Variants in ATP8A2 observed in about 807,000 individuals in gnomAD.
The protein encoded by ATP8A2 is phospholipid-transporting ATPase IB.
A neutral mutation model predicts 165.6 loss-of-function variants in ATP8A2; 100 were observed. The observed-to-expected ratio is 0.60, with a 90% CI of 0.51 to 0.71. ATP8A2 has a LOEUF of 0.71. Among genes scored for constraint, ATP8A2 ranks in the 30% least tolerant of loss-of-function variants. The pLI is 0.00. For missense variants in ATP8A2, 1,227 were observed against 1,479.5 expected, an observed-to-expected ratio of 0.83 and a Z score of 2.80; for synonymous variants, 543 against 548.8, an observed-to-expected ratio of 0.99 and a Z score of 0.15.
intron 24 of ATP8A2, among the ~76,000 whole-genome samples, chr13:25,640,305 G>A (rs1566004042): frequency 1.3e-5 from 2 of 152,230 alleles, no homozygotes; most frequent in East Asian, 1.9e-4. Context: ...AAAAATCAAT[G>A]AATCCAGGAG....
At chr13:25,466,361 C>T (rs908385862) in intron 1 of ATP8A2, among the ~76,000 whole-genome samples, 14 of 152,098 alleles carry the variant, frequency 9.2e-5, no homozygotes, top group Non-Finnish European at 1.6e-4. Context: ...AATGCCCTTC[C>T]CTTTCCTAAT....
chr13:25,689,734 T>G (rs916694250), intron 24 of ATP8A2, among the ~76,000 whole-genome samples: 42 of 152,326 alleles, frequency 2.8e-4, no homozygotes, highest in Non-Finnish European at 4.0e-4. Flanking sequence ...AGATCCACTC[T>G]GGGCAAATGG....
intron 33 of ATP8A2, among the ~76,000 whole-genome samples, chr13:25,874,377 C>T (rs1419020380): frequency 6.6e-6 from 1 of 152,156 alleles, no homozygotes; most frequent in Non-Finnish European, 1.5e-5. Context: ...TTGATCACTT[C>T]CCAAGGGAAG....
At chr13:25,425,583 C>CTTT (rs1197808475) in intron 1 of ATP8A2, among the ~76,000 whole-genome samples, 2 of 112,254 alleles carry the variant, frequency 1.8e-5, no homozygotes, top group Non-Finnish European at 3.9e-5. Context: ...TCTTTCTTTC[C>CTTT]TTTTTTTTTG....
chr13:25,981,607 A>G (rs1956171397), intron 35 of ATP8A2, among the ~76,000 whole-genome samples: 1 of 152,206 alleles, frequency 6.6e-6, no homozygotes, highest in Admixed American at 6.5e-5. Context: ...AAGATTTTAT[A>G]TGTATTATAT....
chr13:25,819,721 G>A (rs1384066017), intron 27 of ATP8A2, among the ~76,000 whole-genome samples: 3 of 151,482 alleles, frequency 2.0e-5, no homozygotes, highest in South Asian at 2.1e-4. Context: ...AAACAAGATG[G>A]GTTTTTATAT....
intron 2 of ATP8A2, among the ~76,000 whole-genome samples, chr13:25,482,857 T>C (rs970850907): frequency 1.3e-5 from 2 of 152,200 alleles, no homozygotes; most frequent in African/African-American, 4.8e-5. Flanking sequence ...CCACCATGAT[T>C]GTGAGGCTTC....
At chr13:25,554,510 CATGT>C (rs1421315068) in intron 12 of ATP8A2, among the ~76,000 whole-genome samples, 1 of 105,726 alleles carries the variant, frequency 9.5e-6, no homozygotes, top group African/African-American at 3.7e-5. Context: ...AAATATAAAT[CATGT>C]GTGTGTGTGT....
chr13:26,000,596 G>A (rs9512014), intron 35 of ATP8A2, among the ~76,000 whole-genome samples: 38,013 of 151,396 alleles, frequency 0.25, 4,935 homozygotes, highest in Non-Finnish European at 0.3. Flanking sequence ...TCATTACTGG[G>A]GAGGCACTAA....
At chr13:25,977,921 C>T (rs895140224) in intron 35 of ATP8A2, among the ~76,000 whole-genome samples, 4 of 152,160 alleles carry the variant, frequency 2.6e-5, no homozygotes, top group Admixed American at 2.6e-4. Context: ...GCTAGTAACA[C>T]GGCCTCAGGC....
intron 1 of ATP8A2, among the ~76,000 whole-genome samples, chr13:25,450,846 C>A (rs2035206589): frequency 6.6e-6 from 1 of 151,972 alleles, no homozygotes; most frequent in Non-Finnish European, 1.5e-5. Context: ...TGGTCTTAAA[C>A]CCCTGGGCTC....
chr13:25,531,936 G>A (rs1019199259), intron 4 of ATP8A2, among the ~76,000 whole-genome samples: 13 of 152,112 alleles, frequency 8.5e-5, no homozygotes, highest in African/African-American at 2.9e-4. Context: ...TGTACACATC[G>A]AAGCAAAGTT....
At chr13:25,418,087 C>T (rs558357762) in intron 1 of ATP8A2, among the ~76,000 whole-genome samples, 1 of 152,268 alleles carries the variant, frequency 6.6e-6, no homozygotes, top group South Asian at 2.1e-4. Context: ...CCCGCCTATT[C>T]CTTCGGTGGC....
chr13:25,576,170 G>A (rs1256729598), intron 19 of ATP8A2, among the ~76,000 whole-genome samples: 1 of 152,126 alleles, frequency 6.6e-6, no homozygotes, highest in Non-Finnish European at 1.5e-5. Context: ...GCAAATCCAG[G>A]TCAGCTAGAG....
chr13:25,975,763 C>G (rs918818317), intron 35 of ATP8A2, among the ~76,000 whole-genome samples: 6 of 152,118 alleles, frequency 3.9e-5, no homozygotes, highest in African/African-American at 1.4e-4. Flanking sequence ...AAACATAAAG[C>G]AAATCCCAGG....
At chr13:25,920,370 C>T (rs1182554383) in intron 33 of ATP8A2, among the ~76,000 whole-genome samples, 1 of 151,806 alleles carries the variant, frequency 6.6e-6, no homozygotes, top group African/African-American at 2.4e-5. Flanking sequence ...TGACCCAGTG[C>T]CCTCCAGATG....
At chr13:25,801,203 G>C (rs936021725) in intron 27 of ATP8A2, among the ~76,000 whole-genome samples, 1 of 152,112 alleles carries the variant, frequency 6.6e-6, no homozygotes, top group Non-Finnish European at 1.5e-5. Flanking sequence ...ACTCTACTTC[G>C]GAGTGCAGTC....
intron 24 of ATP8A2, among the ~76,000 whole-genome samples, chr13:25,687,627 C>G (rs2042630370): frequency 6.6e-6 from 1 of 152,148 alleles, no homozygotes; most frequent in Non-Finnish European, 1.5e-5. Flanking sequence ...GTCCCCACCC[C>G]TCCCCAGTTC....
intron 35 of ATP8A2, among the ~76,000 whole-genome samples, chr13:25,979,598 T>G (rs1271645858): frequency 6.6e-6 from 1 of 152,236 alleles, no homozygotes; most frequent in South Asian, 2.1e-4. Flanking sequence ...GTTGGCCTCA[T>G]AGCAAATAGA....
Sources: allele counts gnomAD v4.1 joint callset (sites outside exome capture counted in the v4.1 genomes callset), GRCh38; gene constraint gnomAD v4.1.1; transcripts MANE v1.5; gene names NCBI Gene and HGNC (gene_info 2026-07-23, HGNC 2026-07-21).